The following SHTN1 variants were observed in gnomAD, a reference collection of about 807,000 sequenced individuals.
SHTN1 encodes the protein shootin 1.
Under a neutral mutation model 83.1 loss-of-function variants are expected in SHTN1, and 42 were observed. The observed-to-expected ratio is 0.51, with a 90% CI of 0.39 to 0.65. The LOEUF is 0.65. Ranked by LOEUF, SHTN1 falls within the 30% of genes least tolerant of loss-of-function variation. The pLI is 0.00. For synonymous variants in SHTN1, 224 were observed against 247.7 expected, an observed-to-expected ratio of 0.90 and a Z score of 0.90; for missense variants, 622 against 737.8, an observed-to-expected ratio of 0.84 and a Z score of 1.82.
intron 1 of SHTN1, among the ~76,000 whole-genome samples, chr10:117,076,575 C>T (rs1481968832): frequency 1.3e-5 from 2 of 152,124 alleles, no homozygotes; most frequent in Non-Finnish European, 2.9e-5. Flanking sequence ...ACCATAATTC[C>T]ATATAAAGTC....
intron 14 of SHTN1, among the ~76,000 whole-genome samples, chr10:116,910,612 A>G (rs1848153387): frequency 6.6e-6 from 1 of 152,212 alleles, no homozygotes; most frequent in Non-Finnish European, 1.5e-5. Context: ...AGTCAAACTC[A>G]GTATAGTCTA....
upstream of SHTN1, among the ~76,000 whole-genome samples, chr10:117,007,827 A>G (rs1852045807): frequency 6.6e-6 from 1 of 151,906 alleles, no homozygotes. Flanking sequence ...CCTGGCTAAC[A>G]CGGTGAAACC....
At chr10:117,000,298 T>C (rs1233450805) in intron 1 of SHTN1, among the ~76,000 whole-genome samples, 1 of 152,216 alleles carries the variant, frequency 6.6e-6, no homozygotes, top group East Asian at 1.9e-4. Context: ...GTCAAAATAA[T>C]GCTCCAGTTA....
At chr10:116,968,614 A>G (rs756954545) in intron 3 of SHTN1, 38 bp downstream of exon 3, 5 of 1,423,118 alleles carry the variant, frequency 3.5e-6, no homozygotes, top group African/African-American at 1.4e-5. Flanking sequence ...CCAATAGGCT[A>G]TATGTGTTAT....
chr10:116,895,019 C>CA (rs1847466760), intron 16 of SHTN1, among the ~76,000 whole-genome samples: 1 of 152,102 alleles, frequency 6.6e-6, no homozygotes. Context: ...AACACAAACT[C>CA]AAAGGTGTTA....
Position 116,884,224 on chromosome 10 carries a change from T to G in SHTN1, c.*2120A>C, listed in dbSNP as rs1340981496. 2 of 457,708 alleles carry G rather than the reference T, an allele frequency of 4.4e-6. No individual in the cohort carries two copies. The highest frequency in any genetic ancestry group is 1.4e-4 in the East Asian group (2 of 14,532). The allele number at this position is 457,708 out of a possible 1,614,324, so 28.4% of individuals were successfully genotyped here. A position where few individuals can be genotyped will look rare whatever the true frequency, so the allele number is the denominator to read the frequency against. On this transcript the variant is annotated 3_prime_UTR_variant, in exon 17 of 17. Coordinates refer to ENST00000355371, the MANE Select transcript of SHTN1 (RefSeq NM_001127211.3). ...TGCAGATATAAGCACGGTTCTCCTA[T>G]GTCTTCCTATTTGGGATCCCTTGCT...
chr10:116,913,144 CA>C (rs1848266307), intron 13 of SHTN1, among the ~76,000 whole-genome samples: 1 of 152,234 alleles, frequency 6.6e-6, no homozygotes, highest in Non-Finnish European at 1.5e-5. Flanking sequence ...TTCTGCAGGT[CA>C]ACCCTTCAGG....
intron 1 of SHTN1, among the ~76,000 whole-genome samples, chr10:117,056,653 T>C (rs903124701): frequency 2.0e-5 from 3 of 151,954 alleles, no homozygotes; most frequent in Admixed American, 6.6e-5. Flanking sequence ...CTACTAAAAA[T>C]ACAAAAGATT....
In SHTN1 at chr10:117,065,778, A is replaced by G. The variant is rs1196563220; in HGVS notation, c.-188-17268T>C. ...AAAGAAAGAAAGAAAGAAAGAAAGA[A>G]AGAAAGGAAGGAAGGAAGGAAGGAA... On this transcript the variant is annotated intron_variant, in intron 1 of 17. Coordinates refer to the SHTN1 transcript ENST00000392901. 1.8e-4 allele frequency among the ~76,000 whole-genome samples: 4 copies of G among 22,614 alleles called. No homozygotes were observed. In the South Asian group the frequency reaches 5.5e-3, roughly 31 times the overall value. 14.8% of individuals were successfully genotyped at this position (22,614 alleles called of 152,430 possible).
intron 1 of SHTN1, among the ~76,000 whole-genome samples, chr10:117,085,069 T>G (rs1454847852): frequency 6.6e-6 from 1 of 152,160 alleles, no homozygotes; most frequent in African/African-American, 2.4e-5. Context: ...CCCCCAGGGT[T>G]TGTGAATTTT....
At chr10:117,013,686 G>A (rs997284643) in intron 2 of SHTN1, among the ~76,000 whole-genome samples, 4 of 152,154 alleles carry the variant, frequency 2.6e-5, no homozygotes, top group South Asian at 2.1e-4. Flanking sequence ...TGGTACAGCC[G>A]CTTTGAAAGA....
At chr10:116,973,616 A>G (rs1850693854) in intron 2 of SHTN1, among the ~76,000 whole-genome samples, 2 of 152,248 alleles carry the variant, frequency 1.3e-5, no homozygotes, top group South Asian at 4.1e-4. Flanking sequence ...ACAAAAGATC[A>G]ACAAATGAAG....
rs562186960 is a variant in SHTN1, at chr10:117,097,372, G to A, written c.-189+28935C>T. On this transcript the variant is annotated intron_variant, in intron 1 of 17. Transcript: ENST00000392901. ...ACTCACAGTTTCTGAAAGAAAAGGT[G>A]AAGAGAAAAAAGTAATTCTTACGGC... 2.6e-5 allele frequency among the ~76,000 whole-genome samples: 4 copies of A among 152,342 alleles called. No individual in the cohort carries two copies. The East Asian group carries it at 7.7e-4, about 29-fold the overall frequency.
chr10:116,983,379 C>A (rs1252588860), intron 1 of SHTN1, among the ~76,000 whole-genome samples: 1 of 152,086 alleles, frequency 6.6e-6, no homozygotes, highest in Non-Finnish European at 1.5e-5. Flanking sequence ...TCCTGCATGG[C>A]AGACAGGAAA....
At position 117,049,031 on chromosome 10, in the gene SHTN1, T is replaced by C. The variant is rs149878647; in HGVS notation, c.-188-521A>G. ...ATTGGGGACCATATCTATCAAGGGT[T>C]TGGTGATGACCAAAAGTCCTAACTA... On this transcript the variant is annotated intron_variant, in intron 1 of 17. Transcript: ENST00000392901. Among the ~76,000 whole-genome samples, 7 of 152,318 alleles carry C rather than the reference T, an allele frequency of 4.6e-5. No individual in the cohort carries two copies. In the East Asian group the frequency reaches 1.3e-3, roughly 29 times the overall value.
At position 116,881,734 on chromosome 10, in the gene SHTN1, G is replaced by A. The variant is rs144235049; in HGVS notation, c.*4610C>T. On this transcript the variant is annotated 3_prime_UTR_variant, in exon 17 of 17. Transcript: ENST00000355371. ...TAGTAGACCGGGAGGTCTGAAGTAC[G>A]GCGCCGTGTCTCCACATGGAGTTTC... is the stretch of plus-strand genomic sequence containing the variant. The A allele has an allele frequency of 6.8e-5, 84 of 1,243,936 alleles. No homozygotes were observed. In the East Asian group the frequency reaches 2.0e-3, roughly 30 times the overall value. The allele number at this position is 1,243,936 out of a possible 1,614,324, so 77.1% of individuals were successfully genotyped here.
At chr10:117,062,615 A>G (rs754966951) in intron 1 of SHTN1, among the ~76,000 whole-genome samples, 15 of 152,160 alleles carry the variant, frequency 9.9e-5, no homozygotes, top group Admixed American at 2.0e-4. Context: ...AATAATACCC[A>G]GTTTATAGGT....
chr10:117,096,356 T>G (rs1311838265), intron 1 of SHTN1, among the ~76,000 whole-genome samples: 2 of 152,252 alleles, frequency 1.3e-5, no homozygotes, highest in Non-Finnish European at 2.9e-5. Flanking sequence ...TGAAAAGGCT[T>G]CTGGCTTTTA....
At chr10:117,083,837 C>T (rs543190453) in intron 1 of SHTN1, among the ~76,000 whole-genome samples, 19 of 152,194 alleles carry the variant, frequency 1.2e-4, no homozygotes, top group Middle Eastern at 3.4e-3. Context: ...TTGATCGCAT[C>T]GGCTCCTGAG....
Sources: allele counts gnomAD v4.1 joint callset (sites outside exome capture counted in the v4.1 genomes callset), GRCh38; gene constraint gnomAD v4.1.1; transcripts MANE v1.5; gene names NCBI Gene and HGNC (gene_info 2026-07-23, HGNC 2026-07-21).